Variants in VPS13B observed in about 807,000 individuals in gnomAD.
VPS13B encodes the protein vacuolar protein sorting 13 homolog B, also known as intermembrane lipid transfer protein VPS13B.
VPS13B carries 285 observed loss-of-function variants against 426.4 expected under a neutral mutation model. The ratio of observed to expected loss-of-function variants is 0.67; its 90% CI spans 0.61 to 0.74. The LOEUF is 0.74. Ranked by LOEUF, VPS13B falls within the 30% of genes least tolerant of loss-of-function variation. The pLI is 0.00. For missense variants in VPS13B, 4,537 were observed against 4,782.6 expected, an observed-to-expected ratio of 0.95 and a Z score of 1.51; for synonymous variants, 1,676 against 1,676.4, an observed-to-expected ratio of 1.00 and a Z score of 0.01.
chr8:99,092,052 A>G (rs1367764837), intron 3 of VPS13B: 1 of 152,132 alleles, frequency 6.6e-6, no homozygotes, highest in Admixed American at 6.5e-5. Context: ...TATTCACACT[A>G]TTGTGAATCT....
intron 14 of VPS13B, among the ~76,000 whole-genome samples, chr8:99,150,002 G>A (rs1810974264): frequency 2.0e-5 from 3 of 152,086 alleles, no homozygotes; most frequent in African/African-American, 7.2e-5. Flanking sequence ...GTTGGTGTCC[G>A]CTGACAGTGA....
At chr8:99,086,753 C>T (rs545807063) in intron 3 of VPS13B, among the ~76,000 whole-genome samples, 11 of 152,312 alleles carry the variant, frequency 7.2e-5, no homozygotes, top group Admixed American at 4.6e-4. Flanking sequence ...GTATCAGCAG[C>T]GGAGGCTGCA....
At chr8:99,751,172 A>G (rs1004403969) in intron 39 of VPS13B, among the ~76,000 whole-genome samples, 1 of 151,012 alleles carries the variant, frequency 6.6e-6, no homozygotes, top group South Asian at 2.1e-4. Context: ...CAGGCTTATT[A>G]TTTTTTTTTA....
Position 99,057,092 on chromosome 8 carries a change from G to A in VPS13B, c.291+18526G>A, listed in dbSNP as rs185148478. Among the ~76,000 whole-genome samples the A allele has an allele frequency of 4.3e-5, 4 of 92,310 alleles. No individual in the cohort carries two copies. In the East Asian group the frequency reaches 1.0e-3, roughly 23 times the overall value. 60.6% of individuals were successfully genotyped at this position (92,310 alleles called of 152,430 possible). On this transcript the variant is annotated intron_variant, in intron 3 of 61. Transcript: ENST00000357162. Reference sequence around the variant, plus strand: ...TTGTGTCCTGTGACCTTGCTTAACTGTTTAATTTTAGGAGTTTTTTGGGTG... The same window carrying A: ...TTGTGTCCTGTGACCTTGCTTAACTATTTAATTTTAGGAGTTTTTTGGGTG...
chr8:99,044,373 G>A (rs1415645985), intron 3 of VPS13B, among the ~76,000 whole-genome samples: 2 of 150,996 alleles, frequency 1.3e-5, no homozygotes, highest in Non-Finnish European at 2.9e-5. Context: ...TTGAGCCACC[G>A]CGCCCGGCCT....
chr8:99,458,020 C>G (rs542225223), intron 23 of VPS13B, among the ~76,000 whole-genome samples: 214 of 152,180 alleles, frequency 1.4e-3, no homozygotes, highest in African/African-American at 5.0e-3. Context: ...CACCCATTAA[C>G]TGGTCATTTA....
intron 29 of VPS13B, among the ~76,000 whole-genome samples, chr8:99,515,056 T>G (rs1177685762): frequency 6.6e-6 from 1 of 152,228 alleles, no homozygotes; most frequent in African/African-American, 2.4e-5. Context: ...TAACTCTAGC[T>G]TTATTTTCTG....
At chr8:99,656,106 T>C (rs1483161871) in intron 34 of VPS13B, among the ~76,000 whole-genome samples, 1 of 152,216 alleles carries the variant, frequency 6.6e-6, no homozygotes, top group East Asian at 1.9e-4. Context: ...TATGATGAAA[T>C]TTGGAGCAGA....
chr8:99,067,499 G>T (rs1336375586), intron 3 of VPS13B, among the ~76,000 whole-genome samples: 1 of 152,124 alleles, frequency 6.6e-6, no homozygotes, highest in African/African-American at 2.4e-5. Context: ...ATCATGATGT[G>T]GGGGGCAGGG....
rs568345715 is a variant in VPS13B at position 99,789,087 on chromosome 8, T to C, written c.7941+4611T>C. 2.0e-5 allele frequency among the ~76,000 whole-genome samples: 3 copies of C among 152,324 alleles called. No individual in the cohort carries two copies. The East Asian group carries it at 5.8e-4, about 29-fold the overall frequency. ...ACATAACAGAAAGTTCTCCAATTTT[T>C]GTTTTGTATGTAACAATATTTTAAA... On this transcript the variant is annotated intron_variant, in intron 43 of 61. Coordinates refer to ENST00000357162, the MANE Select transcript of VPS13B (RefSeq NM_152564.5).
At chr8:99,735,151 T>C (rs1314233303) in intron 39 of VPS13B, among the ~76,000 whole-genome samples, 1 of 151,602 alleles carries the variant, frequency 6.6e-6, no homozygotes, top group East Asian at 1.9e-4. Context: ...AAAATAGAAG[T>C]CACACTCAGA....
Position 99,178,149 on chromosome 8 carries a change from TTTTTA to T in VPS13B, c.2333+7996_2333+8000del, listed in dbSNP as rs566670642. On this transcript the variant is annotated intron_variant, in intron 16 of 61. Coordinates refer to ENST00000357162, the MANE Select transcript of VPS13B (RefSeq NM_152564.5). ...TTTTGATGATTTAATTTCTTTTTAT[TTTTTA>T]TTTTATTTTTTTTTTATTATACTCT... Among the ~76,000 whole-genome samples the T allele has an allele frequency of 6.0e-3, 917 of 151,698 alleles. 11 individuals carry two copies. Among genetic ancestry groups the T allele is most frequent in the African/African-American group, 0.021 (872 of 41,484 alleles).
chr8:99,529,276 G>T (rs1182539403), intron 30 of VPS13B, among the ~76,000 whole-genome samples: 1 of 152,082 alleles, frequency 6.6e-6, no homozygotes, highest in Non-Finnish European at 1.5e-5. Context: ...GTGTCTGTCT[G>T]TCTTAAGTAA....
At chr8:99,251,658 T>C (rs1034192368) in intron 17 of VPS13B, among the ~76,000 whole-genome samples, 1 of 152,288 alleles carries the variant, frequency 6.6e-6, no homozygotes, top group Non-Finnish European at 1.5e-5. Flanking sequence ...ATAGCTTTGG[T>C]TTTGGTATCA....
chr8:99,367,809 A>G (rs1432340687), intron 19 of VPS13B, among the ~76,000 whole-genome samples: 1 of 152,034 alleles, frequency 6.6e-6, no homozygotes, highest in Non-Finnish European at 1.5e-5. Context: ...GTATGCCACC[A>G]CGCCCAGCTA....
intron 2 of VPS13B, among the ~76,000 whole-genome samples, chr8:99,029,354 T>C (rs1326874958): frequency 6.6e-6 from 1 of 151,762 alleles, no homozygotes; most frequent in Non-Finnish European, 1.5e-5. Flanking sequence ...GCAGAGACGC[T>C]CCTCACTTCC....
intron 30 of VPS13B, among the ~76,000 whole-genome samples, chr8:99,522,064 C>T (rs7833256): frequency 0.063 from 9,658 of 152,110 alleles, 410 homozygotes; most frequent in African/African-American, 0.12. Flanking sequence ...ACTCAACTTC[C>T]CTGTTTTACA....
At chr8:99,473,985 C>G (rs1168506451) in intron 24 of VPS13B, among the ~76,000 whole-genome samples, 2 of 152,058 alleles carry the variant, frequency 1.3e-5, no homozygotes, top group African/African-American at 4.8e-5. Flanking sequence ...GCTGAGAAAA[C>G]TTAACACCTG....
chr8:99,088,344 C>A (rs761459091), intron 3 of VPS13B, among the ~76,000 whole-genome samples: 1 of 151,936 alleles, frequency 6.6e-6, no homozygotes, highest in Non-Finnish European at 1.5e-5. Context: ...CTGAAATTTG[C>A]AGATCTCATT....
Sources: gnomAD v4.1 joint callset for allele counts (sites outside exome capture counted in the v4.1 genomes callset) on GRCh38, gnomAD v4.1.1 for gene constraint, MANE v1.5 for transcripts, NCBI Gene and HGNC (gene_info 2026-07-23, HGNC 2026-07-21) for gene names.